SBF2: variants seen among roughly 807,000 people sequenced by gnomAD.
SBF2 encodes the protein myotubularin-related protein 13.
SBF2 carries 112 observed loss-of-function variants against 225.2 expected under a neutral mutation model. That is an observed-to-expected ratio of 0.50 (90% CI 0.43 to 0.58). SBF2 has a LOEUF of 0.58. Among genes scored for constraint, SBF2 ranks in the 20% least tolerant of loss-of-function variants. The probability of loss-of-function intolerance (pLI) is 0.00; values close to 1 mark genes in which losing one functional copy is unlikely to be tolerated. For synonymous variants in SBF2, 763 were observed against 773.3 expected (o/e 0.99, Z 0.22); for missense variants, 1,996 against 2,206.2 (o/e 0.90, Z 1.91).
chr11:10,078,356 A>G (rs1951212977), intron 2 of SBF2, among the ~76,000 whole-genome samples: 1 of 152,218 alleles, frequency 6.6e-6, no homozygotes, highest in Non-Finnish European at 1.5e-5. Context: ...ACTGTTCACA[A>G]TAGCAAAGAC....
chr11:10,268,828 T>C (rs1462557984), intron 1 of SBF2, among the ~76,000 whole-genome samples: 1 of 152,176 alleles, frequency 6.6e-6, no homozygotes, highest in Admixed American at 6.5e-5. Flanking sequence ...TTTTCAGAAC[T>C]CCAATTCCTT....
intron 2 of SBF2, among the ~76,000 whole-genome samples, chr11:10,099,298 A>ACAC (rs1952179345): frequency 6.6e-6 from 1 of 152,228 alleles, no homozygotes; most frequent in Non-Finnish European, 1.5e-5. Context: ...GGACCAGAAG[A>ACAC]AAGGGATAAT....
At chr11:10,245,602 T>C (rs772571135) in intron 1 of SBF2, among the ~76,000 whole-genome samples, 1 of 152,006 alleles carries the variant, frequency 6.6e-6, no homozygotes, top group Non-Finnish European at 1.5e-5. Flanking sequence ...CTCAAAAAAT[T>C]AAAAATAGAA....
chr11:10,115,122 C>T (rs985435425), intron 2 of SBF2, among the ~76,000 whole-genome samples: 3 of 152,112 alleles, frequency 2.0e-5, no homozygotes, highest in Non-Finnish European at 4.4e-5. Flanking sequence ...ATAGGAATGA[C>T]TACATCATTG....
rs755578344 is a variant in SBF2 at position 9,850,040 on chromosome 11, G to A, written c.2789C>T (p.Thr930Ile). 3.2e-5 allele frequency: 52 copies of A among 1,613,904 alleles called. No individual in the cohort carries two copies. The highest frequency in any genetic ancestry group is 4.3e-5 in the Non-Finnish European group (51 of 1,179,964). Residue 930 changes from threonine (T) to isoleucine (I), a missense_variant, in exon 22 of 40, where the codon ACA becomes ATA. By Grantham distance (89) the Thr-to-Ile change is moderately conservative. Coordinates refer to ENST00000256190, the MANE Select transcript of SBF2 (RefSeq NM_030962.4). ...AGTCATACCTAACTGATCATGGGGT[G>A]TTCCTCTGAAGAGAATTCTGTATGT... is the stretch of plus-strand genomic sequence containing the variant. ...LTTYRILFRGTPHDQLVGEQT... is the reference protein window; with the variant it reads ...LTTYRILFRGIPHDQLVGEQT...
chr11:9,964,758 T>G (rs997109555), intron 14 of SBF2, among the ~76,000 whole-genome samples: 2 of 152,154 alleles, frequency 1.3e-5, no homozygotes, highest in African/African-American at 4.8e-5. Context: ...CTAAATAAAT[T>G]TAACTTATTA....
intron 32 of SBF2, among the ~76,000 whole-genome samples, chr11:9,796,203 T>C (rs1217481224): frequency 1.3e-5 from 2 of 152,038 alleles, no homozygotes; most frequent in Non-Finnish European, 2.9e-5. Context: ...CTCTACGGTA[T>C]AGCAAGAGAG....
At chr11:9,947,713 A>C (rs1865644046) in intron 16 of SBF2, among the ~76,000 whole-genome samples, 1 of 152,186 alleles carries the variant, frequency 6.6e-6, no homozygotes, top group East Asian at 1.9e-4. Context: ...CACTCCCGTT[A>C]GGGAGATGCA....
chr11:9,817,108 TAC>T, intron 28 of SBF2, 84 bp from the exon 29 acceptor site: 1 of 1,475,252 alleles, frequency 6.8e-7, no homozygotes, highest in Non-Finnish European at 9.5e-7. Context: ...GCTCTGGAGC[TAC>T]AGTTTTAGAG....
At chr11:9,912,728 T>C (rs1251895244) in intron 16 of SBF2, among the ~76,000 whole-genome samples, 2 of 152,212 alleles carry the variant, frequency 1.3e-5, no homozygotes, top group African/African-American at 4.8e-5. Context: ...TCCTACTTAT[T>C]TTAAAAAATT....
rs1377699749 is a variant in SBF2, at chr11:10,031,080, C to A, written c.370G>T (p.Val124Leu). ...ATTTCTGGATAATATAATCTGGATA[C>A]CAACACCAGGCTTTTGGGAGCAAAC... ...EVFAPKSLVL[V>L]SRLYYPEIFR... The change falls in exon 4 of 40, where the codon GTA (valine) becomes TTA (leucine). Residue 124 changes from valine to leucine, a missense_variant. Physicochemically the swap from Val to Leu is conservative, Grantham distance 32 (BLOSUM62 1). Coordinates refer to ENST00000256190, the MANE Select transcript of SBF2 (RefSeq NM_030962.4). 1.9e-6 allele frequency: 3 copies of A among 1,613,176 alleles called. No homozygotes were observed. The South Asian group carries it at 3.3e-5, about 18-fold the overall frequency.
intron 13 of SBF2, among the ~76,000 whole-genome samples, chr11:9,969,786 T>C (rs1867206822): frequency 6.6e-6 from 1 of 152,238 alleles, no homozygotes; most frequent in African/African-American, 2.4e-5. Flanking sequence ...TTAACTTGTT[T>C]ATTGTCTATC....
intron 16 of SBF2, among the ~76,000 whole-genome samples, chr11:9,908,157 T>A (rs1453974321): frequency 6.6e-6 from 1 of 152,140 alleles, no homozygotes; most frequent in African/African-American, 2.4e-5. Context: ...GAAAAAGCAA[T>A]TAAAAACATA....
intron 13 of SBF2, among the ~76,000 whole-genome samples, chr11:9,970,613 T>A (rs537440712): frequency 6.6e-6 from 1 of 152,170 alleles, no homozygotes; most frequent in Non-Finnish European, 1.5e-5. Context: ...AGCAATATAA[T>A]AGAAACACAC....
intron 2 of SBF2, among the ~76,000 whole-genome samples, chr11:10,056,745 T>G (rs1950269792): frequency 6.6e-6 from 1 of 152,138 alleles, no homozygotes; most frequent in Non-Finnish European, 1.5e-5. Flanking sequence ...CGCCTGAGGT[T>G]TCCAGCCAAC....
At chr11:10,010,557 G>C (rs1026952838) in intron 6 of SBF2, among the ~76,000 whole-genome samples, 1 of 152,092 alleles carries the variant, frequency 6.6e-6, no homozygotes, top group Non-Finnish European at 1.5e-5. Context: ...TAGATGTATG[G>C]TGTTATTTCT....
chr11:9,818,745 G>A (rs1243855399), intron 28 of SBF2, among the ~76,000 whole-genome samples: 1 of 152,144 alleles, frequency 6.6e-6, no homozygotes, highest in Admixed American at 6.6e-5. Context: ...CTTTGAGATG[G>A]AGTTTCACTC....
intron 2 of SBF2, among the ~76,000 whole-genome samples, chr11:10,153,600 C>A (rs1050621991): frequency 6.6e-6 from 1 of 152,050 alleles, no homozygotes; most frequent in Non-Finnish European, 1.5e-5. Context: ...ATGACTTCAG[C>A]TTCTATCCTA....
intron 1 of SBF2, among the ~76,000 whole-genome samples, chr11:10,225,343 A>T (rs1958498465): frequency 6.6e-6 from 1 of 152,010 alleles, no homozygotes; most frequent in Non-Finnish European, 1.5e-5. Context: ...GGAACATGAA[A>T]TTATGCCAGA....
Sources: gnomAD v4.1 joint callset for allele counts (sites outside exome capture counted in the v4.1 genomes callset) on GRCh38, gnomAD v4.1.1 for gene constraint, MANE v1.5 for transcripts, NCBI Gene and HGNC (gene_info 2026-07-23, HGNC 2026-07-21) for gene names.